Variants in RRP9 observed in about 807,000 individuals in gnomAD.
The protein encoded by RRP9 is U3 small nucleolar RNA-interacting protein 2.
In RRP9, 35 loss-of-function variants were observed where a neutral mutation model predicts 65.5. That is an observed-to-expected ratio of 0.53 (90% CI 0.41 to 0.71). The LOEUF is 0.71. RRP9 is among the 30% of genes least tolerant of loss of function. RRP9 has a pLI of 0.00. For synonymous variants in RRP9, 254 were observed against 245.0 expected (o/e 1.04, Z -0.34); for missense variants, 533 against 633.6 (o/e 0.84, Z 1.70).
Position 51,933,523 on chromosome 3 carries a change from G to T in RRP9, c.1411C>A (p.Pro471Thr), listed in dbSNP as rs1324619155. ...IIPLRRVPVP[P>T]AAGS ...TAAGAGTGTCAGGAACCAGCAGCTGGGGGTACAGGGACCCTGCGGAGTGGG... is the reference window on the plus strand; with the variant it reads ...TAAGAGTGTCAGGAACCAGCAGCTGTGGGTACAGGGACCCTGCGGAGTGGG... The change falls in exon 15 of 15, where the codon CCA becomes ACA. Residue 471 changes from proline to threonine, a missense_variant. Pro to Thr is a conservative substitution (Grantham distance 38). Around this residue, in one of 3 missense-constraint regions of RRP9, gnomAD observed 449 missense variants for 550.6 expected, o/e 0.82. Transcript: ENST00000232888. 7.4e-6 allele frequency: 12 copies of T among 1,613,822 alleles called. No homozygotes were observed. The highest frequency in any genetic ancestry group is 1.0e-5 in the Non-Finnish European group (12 of 1,179,896).
chr3:51,937,556 C>T lies in RRP9; in HGVS notation c.379G>A (p.Val127Met). 1 of 1,614,246 alleles carries T rather than the reference C, an allele frequency of 6.2e-7. No individual in the cohort carries two copies. The highest frequency in any genetic ancestry group is 1.6e-4 in the Middle Eastern group (1 of 6,062). ...CCATGCCCACTCACCTCTTTTGCCA[C>T]CAACTTCTGCAGCCTGCCCCTCTGC... ...LEQRGRLQKL[V>M]AKEIQAPASA... The change falls in exon 5 of 15, where the codon GTG becomes ATG. Residue 127 changes from valine (V) to methionine (M), a missense_variant. By Grantham distance (21) the Val-to-Met change is conservative (BLOSUM62 1). Transcript: ENST00000232888. This position sits in a 1 kb window ranked among gnomAD's most constrained non-coding sequence, Gnocchi z 5.0.
At chr3:51,933,860 GCC>G in intron 13 of RRP9, 79 bp from the exon 14 acceptor site, 2 of 1,353,352 alleles carry the variant, frequency 1.5e-6, no homozygotes, top group Non-Finnish European at 2.1e-6. Flanking sequence ...CAAGGGCTGG[GCC>G]TTATCAGGCC....
In RRP9 at chr3:51,933,450, A is replaced by C. The variant is rs973552504; in HGVS notation, c.*56T>G. On this transcript the variant is annotated 3_prime_UTR_variant, in exon 15 of 15. Transcript: ENST00000232888. ...CAAGGCCCAAAAGAGGAGGCTTTTAATACAAAGAGGGTGGGGCATAGCCTG... is the reference window on the plus strand; with the variant it reads ...CAAGGCCCAAAAGAGGAGGCTTTTACTACAAAGAGGGTGGGGCATAGCCTG... 2 of 1,461,106 alleles carry C rather than the reference A, an allele frequency of 1.4e-6. No individual in the cohort carries two copies. 90.5% of individuals were successfully genotyped at this position (1,461,106 alleles called of 1,614,324 possible).
In RRP9 at chr3:51,934,781, A is replaced by C. The variant is rs1699433932; in HGVS notation, c.1035-5T>G. ...AGACCCCACAAGGCCACAGAGCTAT[A>C]AACAGGGAGGGAATACAGCAGTGAG... On this transcript the variant is annotated splice_region_variant and splice_polypyrimidine_tract_variant and intron_variant, in intron 11 of 14. Transcript: ENST00000232888. The surrounding 1 kb of genome is among the most constrained non-coding windows in gnomAD (Gnocchi z 4.1). 2 of 1,611,792 alleles carry C rather than the reference A, an allele frequency of 1.2e-6. No homozygotes were observed. Among genetic ancestry groups the C allele is most frequent in the Non-Finnish European group, 8.5e-7 (1 of 1,178,936 alleles).
intron 6 of RRP9, 38 bp from the exon 7 acceptor site, chr3:51,936,593 G>A (rs936233194): frequency 1.3e-6 from 2 of 1,599,844 alleles, no homozygotes; most frequent in African/African-American, 1.3e-5. Flanking sequence ...CTGGGATGGG[G>A]GGATAGGGCT....
intron 2 of RRP9, among the ~76,000 whole-genome samples, chr3:51,939,662 C>T (rs1699495305): frequency 6.6e-6 from 1 of 152,114 alleles, no homozygotes; most frequent in Non-Finnish European, 1.5e-5. Flanking sequence ...GTAAATTATA[C>T]CTAAATGGAA....
rs949881535 is a variant in RRP9, at chr3:51,934,106, A to G, written c.1261-325T>C. ...CCACTGACCTAGACCCTGCATTCTC[A>G]GCACACATCACTGACAGATCCTGCC... On this transcript the variant is annotated intron_variant, in intron 13 of 14. Coordinates refer to ENST00000232888, the MANE Select transcript of RRP9 (RefSeq NM_004704.5). This position sits in a 1 kb window ranked among gnomAD's most constrained non-coding sequence, Gnocchi z 4.1. Among the ~76,000 whole-genome samples, 2 of 152,120 alleles carry G rather than the reference A, an allele frequency of 1.3e-5. No homozygotes were observed. Among genetic ancestry groups the G allele is most frequent in the Non-Finnish European group, 2.9e-5 (2 of 68,004 alleles).
At position 51,935,656 on chromosome 3, in the gene RRP9, TGTA is replaced by T; in HGVS notation, c.769_771del (p.Tyr257del). ...TTCACGGAGCGATCGTGGGATGTGCTGTAGAGCTGGTGGGTGCCTCTGCGGAAT... is the reference window on the plus strand; with the variant it reads ...TTCACGGAGCGATCGTGGGATGTGCTGAGCTGGTGGGTGCCTCTGCGGAAT... On this transcript the variant is annotated inframe_deletion, in exon 9 of 15. Coordinates refer to ENST00000232888, the MANE Select transcript of RRP9 (RefSeq NM_004704.5). 6.2e-7 allele frequency: 1 copy of T among 1,614,160 alleles called. No homozygotes were observed. The highest frequency in any genetic ancestry group is 8.5e-7 in the Non-Finnish European group (1 of 1,180,036).
In RRP9 at chr3:51,934,444, G is replaced by A. The variant is rs529311534; in HGVS notation, c.1260+28C>T. Reference sequence around the variant, plus strand: ...GGGCCTAGGCAGTGTGGCAGAGACAGGCTGAGCATTCAAGCACACTCACTC... The same window carrying A: ...GGGCCTAGGCAGTGTGGCAGAGACAAGCTGAGCATTCAAGCACACTCACTC... On this transcript the variant is annotated intron_variant, in intron 13 of 14. Transcript: ENST00000232888. This position sits in a 1 kb window ranked among gnomAD's most constrained non-coding sequence, Gnocchi z 4.1. 6.2e-7 allele frequency: 1 copy of A among 1,600,922 alleles called. No homozygotes were observed. The highest frequency in any genetic ancestry group is 1.1e-5 in the South Asian group (1 of 88,846).
rs1699527232 is a variant in RRP9 at position 51,941,331 on chromosome 3, T to G, written c.170+78A>C. ...CAGAGTCTTGGATTCTAGGCTCAGTTCTGTTCGGACTCACTCAGTCTTCCG... is the reference window on the plus strand; with the variant it reads ...CAGAGTCTTGGATTCTAGGCTCAGTGCTGTTCGGACTCACTCAGTCTTCCG... On this transcript the variant is annotated intron_variant, in intron 2 of 14. Transcript: ENST00000232888. 10 of 1,202,752 alleles carry G rather than the reference T, an allele frequency of 8.3e-6. No individual in the cohort carries two copies. The South Asian group carries it at 1.1e-4, about 13-fold the overall frequency. 74.5% of individuals were successfully genotyped at this position (1,202,752 alleles called of 1,614,324 possible). A position where few individuals can be genotyped will look rare whatever the true frequency, so the allele number is the denominator to read the frequency against.
At chr3:51,938,445 A>G (rs1376073480) in intron 2 of RRP9, among the ~76,000 whole-genome samples, 2 of 152,186 alleles carry the variant, frequency 1.3e-5, no homozygotes, top group Non-Finnish European at 2.9e-5. Context: ...AAGCCTCTCA[A>G]CTCTGGGGGA....
chr3:51,938,307 C>T (rs933732119), intron 2 of RRP9, 103 bp from the exon 3 acceptor site: 2 of 791,914 alleles, frequency 2.5e-6, no homozygotes, highest in Middle Eastern at 2.7e-4. Flanking sequence ...CTCCCCTATT[C>T]CCTGCTAGCC....
In RRP9 at chr3:51,937,744, G is replaced by A. The variant is rs1699476318; in HGVS notation, c.281-8C>T. ...CCTCAGCCTTCTCCTCCTCTGTGCA[G>A]GACAGACCAGACCAAGTAAACTGAG... On this transcript the variant is annotated splice_polypyrimidine_tract_variant and splice_region_variant and intron_variant, in intron 3 of 14. Transcript: ENST00000232888. This position sits in a 1 kb window ranked among gnomAD's most constrained non-coding sequence, Gnocchi z 5.0. The A allele has an allele frequency of 1.9e-6, 3 of 1,613,742 alleles. No individual in the cohort carries two copies. The highest frequency in any genetic ancestry group is 1.1e-5 in the South Asian group (1 of 91,078).
intron 8 of RRP9, among the ~76,000 whole-genome samples, chr3:51,936,033 G>A (rs1278614898): frequency 3.3e-5 from 5 of 152,176 alleles, no homozygotes; most frequent in Middle Eastern, 3.4e-3. Context: ...GCCCAGAGGC[G>A]GCTTCTCAAG....
Position 51,934,729 on chromosome 3 carries a change from T to A in RRP9, c.1082A>T (p.Gln361Leu). ...TCCCCGCAGCCCGTGAGCTTCACGCTGCAGGGCAAGTGGTCGCTTCTTGGA... is the reference window on the plus strand; with the variant it reads ...TCCCCGCAGCCCGTGAGCTTCACGCAGCAGGGCAAGTGGTCGCTTCTTGGA... ...GLSKKRPLAL[Q>L]REAHGLRGEP... Residue 361 changes from glutamine (Q) to leucine (L), a missense_variant, in exon 12 of 15, where the codon CAG becomes CTG. Gln to Leu is a moderately radical substitution (Grantham distance 113). Transcript: ENST00000232888. This position sits in a 1 kb window ranked among gnomAD's most constrained non-coding sequence, Gnocchi z 4.1. The A allele has an allele frequency of 6.2e-7, 1 of 1,614,174 alleles. No homozygotes were observed. The highest frequency in any genetic ancestry group is 1.7e-5 in the Admixed American group (1 of 60,028).
At chr3:51,936,666 G>C (rs189703991) in intron 6 of RRP9, 111 bp from the exon 7 acceptor site, 1 of 1,215,188 alleles carries the variant, frequency 8.2e-7, no homozygotes, top group Non-Finnish European at 1.2e-6. Flanking sequence ...TCCCGGACTC[G>C]GCCAGAAGAC....
At position 51,937,466 on chromosome 3, in the gene RRP9, T is replaced by C. The variant is rs1315119165; in HGVS notation, c.390+79A>G. On this transcript the variant is annotated intron_variant, in intron 5 of 14. Coordinates refer to ENST00000232888, the MANE Select transcript of RRP9 (RefSeq NM_004704.5). The surrounding 1 kb of genome is among the most constrained non-coding windows in gnomAD (Gnocchi z 5.0). ...ACAACCAGATCCTTACCTGACCAGA[T>C]AGGCCCAAGTGTCCACCATGTTCCA... is the stretch of plus-strand genomic sequence containing the variant. The C allele has an allele frequency of 2.5e-6, 4 of 1,606,988 alleles. No homozygotes were observed. The highest frequency in any genetic ancestry group is 1.1e-5 in the South Asian group (1 of 90,904).
rs1577654022 is a variant in RRP9, at chr3:51,941,768, G to A, written c.87+13C>T. ...GCAGGGCTGACCGCGGCCCTCAGAA[G>A]CGCCATGCTCACCTTTCGCCGCCGC... On this transcript the variant is annotated intron_variant, in intron 1 of 14. Coordinates refer to ENST00000232888, the MANE Select transcript of RRP9 (RefSeq NM_004704.5). The A allele has an allele frequency of 1.3e-6, 2 of 1,550,830 alleles. No homozygotes were observed. Among genetic ancestry groups the A allele is most frequent in the African/African-American group, 1.4e-5 (1 of 73,456 alleles).
Position 51,933,557 on chromosome 3 carries a change from G to A in RRP9, c.1377C>T (p.Val459=), listed in dbSNP as rs1173457000. The A allele has an allele frequency of 2.5e-6, 4 of 1,614,140 alleles. No individual in the cohort carries two copies. The Admixed American group carries it at 5.0e-5, about 20-fold the overall frequency. ...WWRIKEARNS[V]CIIPLRRVPV... is the part of the protein sequence containing the mutation. ...GGACCCTGCGGAGTGGGATGATGCA[G>A]ACAGAATTCCGAGCCTCTTTGATTC... The change falls in exon 15 of 15, where the codon GTC becomes GTT. Residue 459 remains valine, a synonymous_variant. Coordinates refer to ENST00000232888, the MANE Select transcript of RRP9 (RefSeq NM_004704.5).
Sources: gnomAD v4.1 joint callset for allele counts (sites outside exome capture counted in the v4.1 genomes callset) on GRCh38, gnomAD v4.1.1 for gene constraint, gnomAD v4.1.1 regional missense constraint, Gnocchi (gnomAD v3.1) non-coding constraint, MANE v1.5 for transcripts, NCBI Gene and HGNC (gene_info 2026-07-23, HGNC 2026-07-21) for gene names.